ACADS: variants seen among roughly 807,000 people sequenced by gnomAD.
The protein encoded by ACADS is short-chain specific acyl-CoA dehydrogenase, mitochondrial.
ACADS carries 28 observed loss-of-function variants against 46.8 expected under a neutral mutation model. The ratio of observed to expected loss-of-function variants is 0.60; its 90% CI spans 0.44 to 0.82. The LOEUF is 0.82. ACADS is among the 40% of genes least tolerant of loss of function. The probability of loss-of-function intolerance (pLI) is 0.00; values close to 1 mark genes in which losing one functional copy is unlikely to be tolerated. For missense variants in ACADS, 528 were observed against 578.0 expected (o/e 0.91, Z 0.89); for synonymous variants, 236 against 237.7 (o/e 0.99, Z 0.07).
intron 1 of ACADS, 89 bp downstream of exon 1, chr12:120,726,020 G>A: frequency 1.5e-6 from 2 of 1,335,540 alleles, no homozygotes; most frequent in Non-Finnish European, 2.0e-6. Flanking sequence ...TGTCAGAGCC[G>A]CTGGCAGGCG....
At chr12:120,726,566 T>G (rs1476250150) in intron 1 of ACADS, among the ~76,000 whole-genome samples, 1 of 152,194 alleles carries the variant, frequency 6.6e-6, no homozygotes, top group Non-Finnish European at 1.5e-5. Flanking sequence ...TAGTCTTTCT[T>G]TCGCACTCCG....
Position 120,731,038 on chromosome 12 carries a change from C to T in ACADS, c.210+3849C>T, listed in dbSNP as rs648979. Among the ~76,000 whole-genome samples the T allele has an allele frequency of 1.0e-3, 158 of 152,142 alleles. 1 individual carries two copies. The highest frequency in any genetic ancestry group is 1.8e-3 in the Non-Finnish European group (122 of 67,982). On this transcript the variant is annotated intron_variant, in intron 2 of 9. Transcript: ENST00000242592. Reference sequence around the variant, plus strand: ...ACAGCTCACTGCAGCCTTGACCTCCCGGGCTCAGGGCTCAAGTGATCCTCA... The same window carrying T: ...ACAGCTCACTGCAGCCTTGACCTCCTGGGCTCAGGGCTCAAGTGATCCTCA...
At position 120,736,975 on chromosome 12, in the gene ACADS, C is replaced by T. The variant is rs1354585578; in HGVS notation, c.211-11C>T. 6.2e-7 allele frequency: 1 copy of T among 1,601,008 alleles called. No homozygotes were observed. The highest frequency in any genetic ancestry group is 8.5e-7 in the Non-Finnish European group (1 of 1,174,574). On this transcript the variant is annotated splice_polypyrimidine_tract_variant and intron_variant, in intron 2 of 9. Transcript: ENST00000242592. ...AGCTGCCCATGGCGTGCCGTCCTTC[C>T]CTGTGCCCAGGTGAAGAAGATGGGC... is the stretch of plus-strand genomic sequence containing the variant.
intron 2 of ACADS, 85 bp from the exon 3 acceptor site, chr12:120,736,901 C>T: frequency 1.3e-6 from 2 of 1,481,916 alleles, no homozygotes; most frequent in East Asian, 2.5e-5. Context: ...AGGGCACTGC[C>T]TCGGGGGCAG....
At chr12:120,738,775 G>C (rs1883548025) in intron 7 of ACADS, 45 bp from the exon 8 acceptor site, 1 of 1,612,726 alleles carries the variant, frequency 6.2e-7, no homozygotes, top group South Asian at 1.1e-5. Context: ...TCTGTCCCCT[G>C]GAGGGGCAGC....
In ACADS at chr12:120,726,849, C is replaced by T. The variant is rs11065230; in HGVS notation, c.47-177C>T. Among the ~76,000 whole-genome samples, 14,959 of 152,144 alleles carry T rather than the reference C, an allele frequency of 0.098. 1,899 individuals are homozygous for T. The highest frequency in any genetic ancestry group is 0.29 in the African/African-American group (12,101 of 41,424). ...GGATGTTCAGCAGGGATCCCGGACC[C>T]CTATCCACTGGGTACCAATAGTATT... is the stretch of plus-strand genomic sequence containing the variant. On this transcript the variant is annotated intron_variant, in intron 1 of 9. Coordinates refer to ENST00000242592, the MANE Select transcript of ACADS (RefSeq NM_000017.4).
Position 120,739,539 on chromosome 12 carries a change from G to A in ACADS, c.*91G>A, listed in dbSNP as rs886049031. The A allele has an allele frequency of 1.4e-6, 2 of 1,481,186 alleles. No individual in the cohort carries two copies. The highest frequency in any genetic ancestry group is 2.4e-5 in the East Asian group (1 of 42,274). 91.8% of individuals were successfully genotyped at this position (1,481,186 alleles called of 1,614,324 possible). ...GGCTCAGAGACTGGGCGGCCCGGCGGGGGCTCCCTGGGGACCCCAGATGGG... is the reference window on the plus strand; with the variant it reads ...GGCTCAGAGACTGGGCGGCCCGGCGAGGGCTCCCTGGGGACCCCAGATGGG... On this transcript the variant is annotated 3_prime_UTR_variant, in exon 10 of 10. Coordinates refer to ENST00000242592, the MANE Select transcript of ACADS (RefSeq NM_000017.4).
In ACADS at chr12:120,727,157, G is replaced by T. The variant is rs1883112311; in HGVS notation, c.178G>T (p.Val60Leu). ...GGAGTTGTTTCCCATTGCAGCCCAG[G>T]TGGATAAGGAACATCTCTTCCCAGC... ...EKELFPIAAQVDKEHLFPAAQ... is the reference protein window; with the variant it reads ...EKELFPIAAQLDKEHLFPAAQ... Residue 60 changes from valine (V) to leucine (L), a missense_variant, in exon 2 of 10, where the codon GTG becomes TTG. By Grantham distance (32) the Val-to-Leu change is conservative. Coordinates refer to ENST00000242592, the MANE Select transcript of ACADS (RefSeq NM_000017.4). The T allele has an allele frequency of 6.2e-7, 1 of 1,614,216 alleles. No homozygotes were observed. Among genetic ancestry groups the T allele is most frequent in the Non-Finnish European group, 8.5e-7 (1 of 1,180,038 alleles).
rs766579880 is a variant in ACADS, at chr12:120,737,960, C to T, written c.596C>T (p.Ala199Val). The T allele has an allele frequency of 3.1e-5, 50 of 1,613,960 alleles. No homozygotes were observed. The Middle Eastern group carries it at 4.9e-4, about 16-fold the overall frequency. ...AWEASAAVVFASTDRALQNKG... is the reference protein window; with the variant it reads ...AWEASAAVVFVSTDRALQNKG... ...GAGGCTTCGGCTGCCGTGGTCTTTG[C>T]CAGCACGGACAGAGCCCTGCAAAAC... The change falls in exon 5 of 10, where the codon GCC (alanine) becomes GTC (valine). Residue 199 changes from alanine to valine, a missense_variant. Physicochemically the swap from Ala to Val is moderately conservative, Grantham distance 64. Transcript: ENST00000242592.
intron 2 of ACADS, among the ~76,000 whole-genome samples, chr12:120,727,882 G>A (rs915974384): frequency 2.0e-5 from 3 of 152,062 alleles, no homozygotes; most frequent in African/African-American, 7.2e-5. Context: ...TTGTGAACAA[G>A]TTAAATAACA....
At chr12:120,737,287 G>T (rs1406931353) in intron 3 of ACADS, 69 bp from the exon 4 acceptor site, 6 of 1,549,690 alleles carry the variant, frequency 3.9e-6, no homozygotes, top group Non-Finnish European at 5.3e-6. Context: ...AGGCCCTGAG[G>T]TGCAGCCCGC....
At chr12:120,732,994 C>T (rs190846826) in intron 2 of ACADS, among the ~76,000 whole-genome samples, 1 of 152,224 alleles carries the variant, frequency 6.6e-6, no homozygotes, top group Non-Finnish European at 1.5e-5. Context: ...CCAAGGCTGG[C>T]AGATCACTCC....
In ACADS at chr12:120,739,208, C is replaced by T. The variant is rs758765936; in HGVS notation, c.1086+12C>T. On this transcript the variant is annotated intron_variant, in intron 9 of 9. Coordinates refer to ENST00000242592, the MANE Select transcript of ACADS (RefSeq NM_000017.4). ...CCATCAGCCACCAGGTGAGTGTCCA[C>T]AGTGAGCTCTGAGGGGGCCAGCTGC... 2.4e-5 allele frequency: 38 copies of T among 1,612,970 alleles called. No individual in the cohort carries two copies. The highest frequency in any genetic ancestry group is 3.1e-5 in the Non-Finnish European group (37 of 1,180,002).
intron 2 of ACADS, among the ~76,000 whole-genome samples, chr12:120,727,571 T>C (rs547948688): frequency 1.3e-5 from 2 of 152,356 alleles, no homozygotes; most frequent in South Asian, 4.1e-4. Context: ...AGTTTCACTC[T>C]TGTGGCTCAG....
At position 120,725,928 on chromosome 12, in the gene ACADS, A is replaced by G. The variant is rs1338857285; in HGVS notation, c.43A>G (p.Arg15Gly). 6.4e-7 allele frequency: 1 copy of G among 1,551,826 alleles called. No individual in the cohort carries two copies. The highest frequency in any genetic ancestry group is 8.6e-7 in the Non-Finnish European group (1 of 1,158,320). Residue 15 changes from arginine to glycine, a missense_variant, in exon 1 of 10, where the codon AGA becomes GGA. Coordinates refer to ENST00000242592, the MANE Select transcript of ACADS (RefSeq NM_000017.4). ...CGCCCGGGCCTCGGGCCCTGCCCGCAGAGGTGAGTGCGCTGGGGATCCGTA... is the reference window on the plus strand; with the variant it reads ...CGCCCGGGCCTCGGGCCCTGCCCGCGGAGGTGAGTGCGCTGGGGATCCGTA... ...LLARASGPAR[R>G]ALCPRAWRQL...
chr12:120,727,794 C>T (rs559231921), intron 2 of ACADS, among the ~76,000 whole-genome samples: 1 of 152,232 alleles, frequency 6.6e-6, no homozygotes, highest in South Asian at 2.1e-4. Flanking sequence ...CCTCGGCCTC[C>T]CAAAGTGCTG....
chr12:120,737,786 T>A, intron 4 of ACADS, 51 bp from the exon 5 acceptor site: 1 of 1,611,478 alleles, frequency 6.2e-7, no homozygotes, highest in Non-Finnish European at 8.5e-7. Flanking sequence ...GCTGGTGCCC[T>A]TAGGTTGTGT....
intron 1 of ACADS, 140 bp downstream of exon 1, chr12:120,726,071 C>G (rs1320806707): frequency 1.7e-5 from 15 of 890,770 alleles, no homozygotes; most frequent in Non-Finnish European, 1.8e-5. Context: ...TGCCCCAGTT[C>G]TGCTGCTCCT....
chr12:120,739,614 C>G lies in ACADS; in HGVS notation c.*166C>G, dbSNP rs1053192178. The G allele has an allele frequency of 5.1e-5, 39 of 766,264 alleles. No individual in the cohort carries two copies. The highest frequency in any genetic ancestry group is 7.6e-5 in the Non-Finnish European group (37 of 485,100). The allele number at this position is 766,264 out of a possible 1,614,324, so 47.5% of individuals were successfully genotyped here. A position where few individuals can be genotyped will look rare whatever the true frequency, so the allele number is the denominator to read the frequency against. ...TCACATGGGAATGAGGCCCTCCGAC[C>G]ATTGGCAGCTCCGCCTCTGGGCCTT... is the stretch of plus-strand genomic sequence containing the variant. On this transcript the variant is annotated 3_prime_UTR_variant, in exon 10 of 10. Transcript: ENST00000242592.
Sources: gnomAD v4.1 joint callset for allele counts (sites outside exome capture counted in the v4.1 genomes callset) on GRCh38, gnomAD v4.1.1 for gene constraint, MANE v1.5 for transcripts, NCBI Gene and HGNC (gene_info 2026-07-23, HGNC 2026-07-21) for gene names.